GRID2: variants seen among roughly 807,000 people sequenced by gnomAD.
The protein encoded by GRID2 is glutamate receptor ionotropic, delta-2.
GRID2 carries 33 observed loss-of-function variants against 114.8 expected under a neutral mutation model. The observed-to-expected ratio is 0.29, with a 90% CI of 0.22 to 0.38. GRID2 has a LOEUF of 0.38. Ranked by LOEUF, GRID2 falls within the 10% of genes least tolerant of loss-of-function variation. GRID2 has a pLI of 1.00. For synonymous variants in GRID2, 505 were observed against 449.9 expected, an observed-to-expected ratio of 1.12 and a Z score of -1.55; for missense variants, 1,184 against 1,257.7, an observed-to-expected ratio of 0.94 and a Z score of 0.89.
At chr4:93,659,791 G>A (rs1033943740) in intron 14 of GRID2, among the ~76,000 whole-genome samples, 8 of 152,100 alleles carry the variant, frequency 5.3e-5, no homozygotes, top group Non-Finnish European at 1.2e-4. Context: ...ACTGTTAAGA[G>A]GACTCAGTAC....
chr4:93,532,953 G>A (rs572550004), intron 13 of GRID2, among the ~76,000 whole-genome samples: 39 of 151,990 alleles, frequency 2.6e-4, no homozygotes, highest in Non-Finnish European at 4.1e-4. Flanking sequence ...TCATAGAATT[G>A]CTTTAAGTTT....
intron 1 of GRID2, among the ~76,000 whole-genome samples, chr4:92,370,012 G>GT (rs1315933576): frequency 3.3e-5 from 5 of 151,714 alleles, no homozygotes; most frequent in South Asian, 2.1e-4. Flanking sequence ...CAGTTATTGT[G>GT]TTTTTTTCAA....
rs181395480 is a variant in GRID2, at chr4:93,532,787, G to T, written c.2193+17376G>T. Among the ~76,000 whole-genome samples the T allele has an allele frequency of 7.9e-5, 12 of 152,190 alleles. No homozygotes were observed. The East Asian group carries it at 2.1e-3, about 27-fold the overall frequency. ...TGCTTTAGGGAATCTAATTTAGTTTGTCAATCTAGCTGTTTTTTAGAAATT... is the reference window on the plus strand; with the variant it reads ...TGCTTTAGGGAATCTAATTTAGTTTTTCAATCTAGCTGTTTTTTAGAAATT... On this transcript the variant is annotated intron_variant, in intron 13 of 15. Coordinates refer to ENST00000282020, the MANE Select transcript of GRID2 (RefSeq NM_001510.4).
intron 2 of GRID2, among the ~76,000 whole-genome samples, chr4:92,941,654 T>A (rs918015667): frequency 1.3e-5 from 2 of 152,200 alleles, no homozygotes; most frequent in Non-Finnish European, 2.9e-5. Flanking sequence ...CTTTTAATTG[T>A]GATGTTGGGG....
chr4:92,971,398 G>C (rs1046436103), intron 2 of GRID2, among the ~76,000 whole-genome samples: 1 of 151,880 alleles, frequency 6.6e-6, no homozygotes, highest in South Asian at 2.1e-4. Flanking sequence ...AGTTAAAATT[G>C]CTAGTTTTTT....
chr4:92,646,874 A>G (rs1216656539), intron 2 of GRID2, among the ~76,000 whole-genome samples: 1 of 151,596 alleles, frequency 6.6e-6, no homozygotes, highest in East Asian at 1.9e-4. Flanking sequence ...TTATACAATC[A>G]CAGTCTTTGA....
intron 13 of GRID2, among the ~76,000 whole-genome samples, chr4:93,522,874 G>A (rs1460989257): frequency 6.6e-6 from 1 of 152,154 alleles, no homozygotes; most frequent in Non-Finnish European, 1.5e-5. Flanking sequence ...GAAGACTTGA[G>A]ACTGAAAAAG....
intron 1 of GRID2, among the ~76,000 whole-genome samples, chr4:92,556,245 C>T (rs1187387109): frequency 6.6e-6 from 1 of 152,068 alleles, no homozygotes; most frequent in Admixed American, 6.6e-5. Flanking sequence ...AAGCCTAATG[C>T]TCATTTTTTA....
intron 8 of GRID2, among the ~76,000 whole-genome samples, chr4:93,259,367 T>C (rs1316760817): frequency 6.6e-6 from 1 of 151,826 alleles, no homozygotes; most frequent in African/African-American, 2.4e-5. Flanking sequence ...AGTCTTTGAA[T>C]AGTTAGTTTT....
At chr4:92,998,487 C>A (rs1755339025) in intron 2 of GRID2, among the ~76,000 whole-genome samples, 1 of 151,928 alleles carries the variant, frequency 6.6e-6, no homozygotes, top group African/African-American at 2.4e-5. Context: ...AGTTAAGTTT[C>A]CAAATGTGTG....
At chr4:93,357,418 T>C (rs1396843156) in intron 8 of GRID2, among the ~76,000 whole-genome samples, 1 of 151,180 alleles carries the variant, frequency 6.6e-6, no homozygotes, top group East Asian at 1.9e-4. Context: ...ATGTTGAAAA[T>C]ATTTATTCCC....
At chr4:93,764,924 G>C (rs957937642) in intron 14 of GRID2, among the ~76,000 whole-genome samples, 1 of 151,874 alleles carries the variant, frequency 6.6e-6, no homozygotes, top group African/African-American at 2.4e-5. Flanking sequence ...TTTTTGCATT[G>C]TCATACATAC....
At chr4:92,603,459 T>C (rs1349391935) in intron 2 of GRID2, among the ~76,000 whole-genome samples, 2 of 152,124 alleles carry the variant, frequency 1.3e-5, no homozygotes, top group Non-Finnish European at 2.9e-5. Flanking sequence ...GGATTCCCTA[T>C]TTAATAAATG....
chr4:93,453,359 A>AGAGAGAGAGAGAGAGAGAGT (rs1284889245), intron 10 of GRID2, among the ~76,000 whole-genome samples: 6 of 121,312 alleles, frequency 4.9e-5, no homozygotes, highest in South Asian at 5.5e-4. Context: ...AGAGAGAGAG[A>AGAGAGAGAGAGAGAGAGAGT]GTGTGTGTAT....
chr4:92,751,718 A>C (rs2149339202), intron 2 of GRID2, among the ~76,000 whole-genome samples: 1 of 152,322 alleles, frequency 6.6e-6, no homozygotes, highest in Non-Finnish European at 1.5e-5. Flanking sequence ...TTTAAATACT[A>C]ACTTATACTA....
At chr4:93,800,515 T>C (rs1734906833) in intron 1 of GRID2, among the ~76,000 whole-genome samples, 1 of 152,180 alleles carries the variant, frequency 6.6e-6, no homozygotes, top group Non-Finnish European at 1.5e-5. Context: ...ACTCATGTAT[T>C]TGTATTGTAT....
intron 1 of GRID2, among the ~76,000 whole-genome samples, chr4:92,431,345 G>A (rs1023897278): frequency 6.6e-6 from 1 of 151,966 alleles, no homozygotes; most frequent in East Asian, 1.9e-4. Context: ...CACTTTTTAG[G>A]CATCTATTGA....
chr4:93,628,180 A>G (rs1412807932), intron 14 of GRID2, among the ~76,000 whole-genome samples: 1 of 152,128 alleles, frequency 6.6e-6, no homozygotes, highest in Admixed American at 6.5e-5. Flanking sequence ...TAATCAATCA[A>G]AATACATTTA....
chr4:93,741,722 G>A (rs774065125), intron 14 of GRID2, among the ~76,000 whole-genome samples: 16 of 152,096 alleles, frequency 1.1e-4, no homozygotes, highest in African/African-American at 1.7e-4. Context: ...TCAGGAGTTC[G>A]AGACCAGCCT....
Sources: gnomAD v4.1 joint callset for allele counts (sites outside exome capture counted in the v4.1 genomes callset) on GRCh38, gnomAD v4.1.1 for gene constraint, MANE v1.5 for transcripts, NCBI Gene and HGNC (gene_info 2026-07-23, HGNC 2026-07-21) for gene names.